Variants in FOXP1 observed in about 807,000 individuals in gnomAD.
The protein encoded by FOXP1 is forkhead box P1, also known as forkhead box protein P1.
FOXP1 carries 15 observed loss-of-function variants against 98.2 expected under a neutral mutation model. That is an observed-to-expected ratio of 0.15 (90% CI 0.10 to 0.24). The LOEUF is 0.24. Among genes scored for constraint, FOXP1 ranks in the 10% least tolerant of loss-of-function variants. The pLI, the probability that FOXP1 is intolerant of heterozygous loss-of-function variation, is 1.00. For missense variants in FOXP1, 633 were observed against 848.5 expected, an observed-to-expected ratio of 0.75 and a Z score of 3.15; for synonymous variants, 371 against 314.5, an observed-to-expected ratio of 1.18 and a Z score of -1.90.
chr3:71,397,391 G>A (rs934728482), intron 3 of FOXP1, among the ~76,000 whole-genome samples: 13 of 152,042 alleles, frequency 8.6e-5, no homozygotes, highest in African/African-American at 3.1e-4. Context: ...TTATCTGGAT[G>A]GATTTTGCTA....
chr3:70,969,750 TCAGAAC>T (rs772705046), intron 19 of FOXP1: 10 of 152,344 alleles, frequency 6.6e-5, no homozygotes, highest in African/African-American at 1.4e-4. Flanking sequence ...TTGCAGTATC[TCAGAAC>T]CAATCTAGGG....
chr3:71,452,573 G>A (rs180902980), intron 3 of FOXP1, among the ~76,000 whole-genome samples: 1 of 152,144 alleles, frequency 6.6e-6, no homozygotes. Context: ...GGAGGCTCTT[G>A]TTGTATTTTA....
intron 2 of FOXP1, among the ~76,000 whole-genome samples, chr3:71,499,447 C>T (rs1417455701): frequency 6.6e-6 from 1 of 152,214 alleles, no homozygotes; most frequent in Admixed American, 6.5e-5. Context: ...TAAACACGCA[C>T]AAGTATACAT....
Position 71,139,967 on chromosome 3 carries a change from G to A in FOXP1, c.181-27330C>T, listed in dbSNP as rs1339265572. On this transcript the variant is annotated intron_variant, in intron 6 of 20. Transcript: ENST00000649528. ...CTGAATTTAAAAAAAGACAAATTGT[G>A]TTCACGGTGGTTGTATGCAGAACGT... Among the ~76,000 whole-genome samples the A allele has an allele frequency of 3.9e-5, 6 of 152,184 alleles. No homozygotes were observed. In the East Asian group the frequency reaches 1.2e-3, roughly 29 times the overall value.
intron 10 of FOXP1, among the ~76,000 whole-genome samples, chr3:71,044,162 C>CA (rs1234509632): frequency 3.9e-5 from 6 of 152,120 alleles, no homozygotes; most frequent in Non-Finnish European, 7.4e-5. Flanking sequence ...TCATGTTAGA[C>CA]AGATAAAAGG....
chr3:71,492,226 C>T (rs141624455), intron 3 of FOXP1, among the ~76,000 whole-genome samples: 1 of 152,012 alleles, frequency 6.6e-6, no homozygotes, highest in Non-Finnish European at 1.5e-5. Flanking sequence ...CTGAGACGGG[C>T]GGATCACCTG....
intron 7 of FOXP1, among the ~76,000 whole-genome samples, chr3:71,062,670 G>A (rs930440703): frequency 6.6e-6 from 1 of 152,068 alleles, no homozygotes; most frequent in African/African-American, 2.4e-5. Flanking sequence ...TAAATTACTC[G>A]GATTAGATAA....
chr3:71,074,957 G>A (rs192453156), intron 7 of FOXP1, among the ~76,000 whole-genome samples: 6 of 152,208 alleles, frequency 3.9e-5, no homozygotes, highest in Admixed American at 2.0e-4. Flanking sequence ...GACAGACACC[G>A]ATGATCTTCT....
intron 7 of FOXP1, chr3:71,064,754 C>T (rs911171483): frequency 2.1e-4 from 210 of 979,672 alleles, no homozygotes; most frequent in Admixed American, 4.9e-4. Flanking sequence ...AGCGAGGCCC[C>T]CAGGAAGCGG....
At chr3:71,174,253 C>T (rs2061801116) in intron 6 of FOXP1, among the ~76,000 whole-genome samples, 1 of 152,122 alleles carries the variant, frequency 6.6e-6, no homozygotes, top group South Asian at 2.1e-4. Context: ...GGGGGAAAAA[C>T]CCACTTCCCA....
intron 2 of FOXP1, among the ~76,000 whole-genome samples, chr3:71,508,382 C>T (rs772485886): frequency 6.6e-6 from 1 of 152,196 alleles, no homozygotes; most frequent in Non-Finnish European, 1.5e-5. Flanking sequence ...CTCACTGTGA[C>T]AGAAGCAGAT....
Position 71,319,483 on chromosome 3 carries a change from A to G in FOXP1, c.-72-19603T>C, listed in dbSNP as rs2075273504. Among the ~76,000 whole-genome samples, 2 of 152,188 alleles carry G rather than the reference A, an allele frequency of 1.3e-5. 1 individual carries two copies. Among genetic ancestry groups the G allele is most frequent in the Admixed American group, 1.3e-4 (2 of 15,284 alleles). Reference sequence around the variant, plus strand: ...AAAAGATTTAAATTAAACTGAAAAGAAAGATTCTGGTGTGACTTTATAATC... The same window carrying G: ...AAAAGATTTAAATTAAACTGAAAAGGAAGATTCTGGTGTGACTTTATAATC... On this transcript the variant is annotated intron_variant, in intron 4 of 20. Transcript: ENST00000649528.
intron 4 of FOXP1, among the ~76,000 whole-genome samples, chr3:71,342,433 A>G (rs7648218): frequency 0.48 from 72,634 of 151,922 alleles, 18,217 homozygotes; most frequent in East Asian, 0.74. Context: ...ACTTTGAGAG[A>G]TCGAGGCAGG....
chr3:71,131,466 G>C (rs1165747185), intron 6 of FOXP1, among the ~76,000 whole-genome samples: 2 of 151,272 alleles, frequency 1.3e-5, no homozygotes, highest in Non-Finnish European at 2.9e-5. Flanking sequence ...TGCTCTTGTG[G>C]CAATGTTCTT....
intron 20 of FOXP1, among the ~76,000 whole-genome samples, chr3:70,961,034 A>C (rs989112554): frequency 6.6e-6 from 1 of 151,838 alleles, no homozygotes; most frequent in Non-Finnish European, 1.5e-5. Flanking sequence ...TTAGTAGAGA[A>C]GAGGTTTCAC....
intron 2 of FOXP1, among the ~76,000 whole-genome samples, chr3:71,568,795 A>G (rs1372013146): frequency 6.6e-6 from 1 of 151,944 alleles, no homozygotes; most frequent in Non-Finnish European, 1.5e-5. Context: ...TACAGGCATG[A>G]GCCACCACGC....
At chr3:71,362,040 A>G (rs1215330906) in intron 3 of FOXP1, among the ~76,000 whole-genome samples, 3 of 152,228 alleles carry the variant, frequency 2.0e-5, no homozygotes, top group Non-Finnish European at 1.5e-5. Context: ...AGTATTTTTA[A>G]TTACACATGT....
intron 5 of FOXP1, among the ~76,000 whole-genome samples, chr3:71,203,752 C>G (rs1212274995): frequency 6.6e-6 from 1 of 152,102 alleles, no homozygotes; most frequent in Non-Finnish European, 1.5e-5. Context: ...AAATATGTTT[C>G]TATTTCTATG....
intron 5 of FOXP1, among the ~76,000 whole-genome samples, chr3:71,237,839 G>A (rs1576529645): frequency 6.6e-6 from 1 of 152,140 alleles, no homozygotes; most frequent in African/African-American, 2.4e-5. Context: ...TCAATCAAAG[G>A]GAAGGAGACA....
Sources: gnomAD v4.1 joint callset for allele counts (sites outside exome capture counted in the v4.1 genomes callset) on GRCh38, gnomAD v4.1.1 for gene constraint, MANE v1.5 for transcripts, NCBI Gene and HGNC (gene_info 2026-07-23, HGNC 2026-07-21) for gene names.